The following CLNK variants were observed in gnomAD, a reference collection of about 807,000 sequenced individuals.
The protein encoded by CLNK is cytokine dependent hematopoietic cell linker, also known as cytokine-dependent hematopoietic cell linker.
In CLNK, 74 loss-of-function variants were observed where a neutral mutation model predicts 68.6. That is an observed-to-expected ratio of 1.08 (90% CI 0.89 to 1.31). CLNK has a LOEUF of 1.31. Among genes scored for constraint, CLNK ranks in the 50% most tolerant of loss-of-function variants. The pLI, the probability that CLNK is intolerant of heterozygous loss-of-function variation, is 0.00. For missense variants in CLNK, 553 were observed against 515.3 expected (o/e 1.07, Z -0.71); for synonymous variants, 198 against 172.2 (o/e 1.15, Z -1.17).
At chr4:10,570,326 A>G (rs1361672433) in intron 5 of CLNK, among the ~76,000 whole-genome samples, 2 of 152,126 alleles carry the variant, frequency 1.3e-5, no homozygotes, top group Admixed American at 1.3e-4. Flanking sequence ...AAGAACAACC[A>G]TCACTCCAGG....
At chr4:10,575,546 AG>A (rs1156491222) in intron 4 of CLNK, among the ~76,000 whole-genome samples, 4 of 152,244 alleles carry the variant, frequency 2.6e-5, no homozygotes, top group Non-Finnish European at 5.9e-5. Flanking sequence ...CGTGCACACC[AG>A]GCCTGTCTCC....
intron 4 of CLNK, among the ~76,000 whole-genome samples, chr4:10,581,564 G>T (rs1257374948): frequency 6.6e-6 from 1 of 152,116 alleles, no homozygotes; most frequent in Non-Finnish European, 1.5e-5. Context: ...GGTGGCCCTT[G>T]GAAGTTTACT....
intron 3 of CLNK, among the ~76,000 whole-genome samples, chr4:10,586,164 T>A (rs1720957808): frequency 6.6e-6 from 1 of 150,564 alleles, no homozygotes; most frequent in African/African-American, 2.5e-5. Context: ...CTGTGCCCAG[T>A]TCCTAACACA....
intron 2 of CLNK, among the ~76,000 whole-genome samples, chr4:10,616,790 G>GTGTGTGTATATATATATA (rs1369047138): frequency 1.6e-5 from 1 of 64,360 alleles, no homozygotes; most frequent in African/African-American, 4.2e-5. Context: ...GTGTGTGTGT[G>GTGTGTGTATATATATATA]TATATATATA....
At chr4:10,731,722 G>T in the CLNK span, among the ~76,000 whole-genome samples, 1 of 152,144 alleles carries the variant, frequency 6.6e-6, no homozygotes, top group East Asian at 1.9e-4. Flanking sequence ...TGCAAAATGT[G>T]TCAAGAATTC....
At position 10,498,844 on chromosome 4, in the gene CLNK, A is replaced by G. The variant is rs180997752; in HGVS notation, c.1140+2412T>C. Among the ~76,000 whole-genome samples, 1,018 of 152,334 alleles carry G rather than the reference A, an allele frequency of 6.7e-3. 15 individuals are homozygous for G. Among genetic ancestry groups the G allele is most frequent in the African/African-American group, 0.023 (975 of 41,574 alleles). Reference sequence around the variant, plus strand: ...ACCTGGTAGATTTATGTATTAATCTATGGATTCACTCATGCACTTGTTCAT... The same window carrying G: ...ACCTGGTAGATTTATGTATTAATCTGTGGATTCACTCATGCACTTGTTCAT... On this transcript the variant is annotated intron_variant, in intron 18 of 18. Coordinates refer to ENST00000226951, the MANE Select transcript of CLNK (RefSeq NM_052964.4).
chr4:10,636,573 T>C (rs939539749), intron 2 of CLNK, among the ~76,000 whole-genome samples: 4 of 151,694 alleles, frequency 2.6e-5, no homozygotes, highest in Admixed American at 2.6e-4. Context: ...TATAAGCAAA[T>C]GAATCATGGG....
At chr4:10,577,239 G>C (rs1720601498) in intron 4 of CLNK, among the ~76,000 whole-genome samples, 1 of 152,196 alleles carries the variant, frequency 6.6e-6, no homozygotes, top group South Asian at 2.1e-4. Flanking sequence ...TTCAAGAGAA[G>C]ACTCAGGGGA....
chr4:10,493,889 AG>A (rs1332385604), intron 18 of CLNK, among the ~76,000 whole-genome samples: 1 of 152,228 alleles, frequency 6.6e-6, no homozygotes, highest in Non-Finnish European at 1.5e-5. Flanking sequence ...TGGTAACGAT[AG>A]GACCTAACTT....
chr4:10,711,537 T>C, the CLNK span, among the ~76,000 whole-genome samples: 2 of 152,252 alleles, frequency 1.3e-5, no homozygotes, highest in African/African-American at 4.8e-5. Context: ...TGGAGTCTTA[T>C]TGTTTAGAAA....
In CLNK at chr4:10,671,184, G is replaced by A. The variant is rs573194971; in HGVS notation, c.-42-3273C>T. On this transcript the variant is annotated intron_variant, in intron 1 of 18. Coordinates refer to ENST00000226951, the MANE Select transcript of CLNK (RefSeq NM_052964.4). ...CTGGATCACCTGAGGCCAGGAGTTCGAGGCCAGCCTGGCCAACATGGTGGA... is the reference window on the plus strand; with the variant it reads ...CTGGATCACCTGAGGCCAGGAGTTCAAGGCCAGCCTGGCCAACATGGTGGA... Among the ~76,000 whole-genome samples the A allele has an allele frequency of 9.9e-4, 150 of 152,158 alleles. 1 individual carries two copies. Among genetic ancestry groups the A allele is most frequent in the African/African-American group, 3.1e-3 (130 of 41,500 alleles).
the CLNK span, among the ~76,000 whole-genome samples, chr4:10,698,764 T>A: frequency 6.6e-6 from 1 of 152,184 alleles, no homozygotes; most frequent in Non-Finnish European, 1.5e-5. Flanking sequence ...GCCCAGATAT[T>A]GGGCCAAACT....
At chr4:10,708,781 G>A in the CLNK span, among the ~76,000 whole-genome samples, 4 of 152,158 alleles carry the variant, frequency 2.6e-5, no homozygotes, top group African/African-American at 9.7e-5. Context: ...ATTAGAGGAC[G>A]TTTCATGCAT....
chr4:10,555,663 A>C (rs1719641255), intron 8 of CLNK, among the ~76,000 whole-genome samples: 1 of 152,376 alleles, frequency 6.6e-6, no homozygotes, highest in African/African-American at 2.4e-5. Flanking sequence ...TAACTGCTCA[A>C]CTTGATGAAA....
intron 8 of CLNK, among the ~76,000 whole-genome samples, chr4:10,556,671 T>C (rs928015783): frequency 9.2e-5 from 14 of 152,338 alleles, no homozygotes; most frequent in African/African-American, 3.1e-4. Context: ...TAACAGATGA[T>C]TGTGGTCTGG....
intron 2 of CLNK, among the ~76,000 whole-genome samples, chr4:10,639,606 T>C (rs1176503501): frequency 6.6e-6 from 1 of 152,210 alleles, no homozygotes; most frequent in Non-Finnish European, 1.5e-5. Context: ...AGATTTTTAC[T>C]CTCCAATATG....
chr4:10,520,893 A>G (rs1718033232), intron 14 of CLNK, 62 bp from the exon 15 acceptor site: 2 of 1,244,900 alleles, frequency 1.6e-6, no homozygotes, highest in African/African-American at 1.5e-5. Context: ...GTAAAATTCC[A>G]CTCAGAGGCA....
intron 10 of CLNK, among the ~76,000 whole-genome samples, chr4:10,541,218 A>C (rs993373710): frequency 6.7e-5 from 9 of 134,504 alleles, no homozygotes; most frequent in Admixed American, 3.7e-4. Context: ...TCTCAAAAAA[A>C]AAACAAAAAA....
chr4:10,574,497 C>G (rs917036731), intron 4 of CLNK, among the ~76,000 whole-genome samples: 17 of 152,176 alleles, frequency 1.1e-4, no homozygotes, highest in African/African-American at 4.1e-4. Flanking sequence ...TCTGATCACC[C>G]TGGTCTGCCT....
Sources: allele counts gnomAD v4.1 joint callset (sites outside exome capture counted in the v4.1 genomes callset), GRCh38; gene constraint gnomAD v4.1.1; transcripts MANE v1.5; gene names NCBI Gene and HGNC (gene_info 2026-07-23, HGNC 2026-07-21).